The following CRB1 variants were observed in gnomAD, a reference collection of about 807,000 sequenced individuals.
CRB1 encodes the protein crumbs cell polarity complex component 1.
A neutral mutation model predicts 120.0 loss-of-function variants in CRB1; 83 were observed. That is an observed-to-expected ratio of 0.69 (90% confidence interval 0.58 to 0.83). CRB1 has a LOEUF of 0.83. Ranked by LOEUF, CRB1 falls within the 40% of genes least tolerant of loss-of-function variation. CRB1 has a pLI of 0.00. For missense variants in CRB1, 1,699 were observed against 1,687.6 expected (o/e 1.01, Z -0.12); for synonymous variants, 625 against 612.5 (o/e 1.02, Z -0.30).
At chr1:197,372,335 T>C (rs1661413548) in intron 5 of CRB1, among the ~76,000 whole-genome samples, 1 of 152,134 alleles carries the variant, frequency 6.6e-6, no homozygotes, top group African/African-American at 2.4e-5. Context: ...TAGATTGACA[T>C]ACTGATCTTT....
chr1:197,209,107 T>G, the CRB1 span, among the ~76,000 whole-genome samples: 1 of 152,290 alleles, frequency 6.6e-6, no homozygotes, highest in East Asian at 1.9e-4. Flanking sequence ...TATTTCCAGA[T>G]GGCATGTGAG....
At position 197,306,199 on chromosome 1, in the gene CRB1, CAG is replaced by C. The variant is rs570577377; in HGVS notation, c.71-22217_71-22216del. ...CAGCAGCTGCTGAACACTCCAGAAA[CAG>C]AGAGATTCAAATTGCTATATAGCAA... On this transcript the variant is annotated intron_variant, in intron 1 of 11. Transcript: ENST00000367400. Among the ~76,000 whole-genome samples the C allele has an allele frequency of 1.5e-3, 221 of 152,134 alleles. 1 individual carries two copies. Among genetic ancestry groups the C allele is most frequent in the African/African-American group, 5.1e-3 (210 of 41,500 alleles).
intron 11 of CRB1, among the ~76,000 whole-genome samples, chr1:197,449,598 C>T (rs972105454): frequency 6.6e-6 from 1 of 152,122 alleles, no homozygotes; most frequent in Non-Finnish European, 1.5e-5. Flanking sequence ...GATCTCCTGA[C>T]CTCGTGATCC....
the CRB1 span, among the ~76,000 whole-genome samples, chr1:197,227,346 T>A: frequency 6.6e-6 from 1 of 151,952 alleles, no homozygotes; most frequent in Admixed American, 6.5e-5. Context: ...ACAGAGCCCA[T>A]GCAAGTTCGA....
At chr1:197,222,603 G>C in the CRB1 span, 2 of 771,890 alleles carry the variant, frequency 2.6e-6, no homozygotes, top group Non-Finnish European at 4.8e-6. Flanking sequence ...TCCTAGTGAG[G>C]AAAGAGTGTA....
At chr1:197,281,823 A>G (rs1655536951) in intron 1 of CRB1, among the ~76,000 whole-genome samples, 1 of 151,878 alleles carries the variant, frequency 6.6e-6, no homozygotes, top group Non-Finnish European at 1.5e-5. Context: ...ATGCACGGAA[A>G]ATATAGGATG....
intron 2 of CRB1, among the ~76,000 whole-genome samples, chr1:197,331,065 G>A (rs914051998): frequency 4.0e-5 from 6 of 151,724 alleles, no homozygotes; most frequent in African/African-American, 1.5e-4. Flanking sequence ...GCCTGTAGTC[G>A]CAGCTACTCA....
upstream of CRB1, among the ~76,000 whole-genome samples, chr1:197,264,333 T>C (rs766693063): frequency 6.6e-6 from 1 of 152,234 alleles, no homozygotes; most frequent in African/African-American, 2.4e-5. Context: ...TTGAATTCCA[T>C]TGTGTTATAT....
Position 197,478,179 on chromosome 1 carries a change from T to C in CRB1, c.*300T>C, listed in dbSNP as rs1667284470. The stretch of plus-strand genomic sequence containing the variant: ...TGGCTTTAGTGGCTATCACTGAAAC[T>C]CTTTCCTCTTTTCAACCTGGGAACA... On this transcript the variant is annotated 3_prime_UTR_variant, in exon 12 of 12. Transcript: ENST00000367400. 3 of 383,566 alleles carry C rather than the reference T, an allele frequency of 7.8e-6. No individual in the cohort carries two copies. The South Asian group carries it at 8.2e-5, about 10-fold the overall frequency. 23.8% of individuals were successfully genotyped at this position (383,566 alleles called of 1,614,324 possible).
the CRB1 span, among the ~76,000 whole-genome samples, chr1:197,231,448 G>A: frequency 1.3e-5 from 2 of 152,100 alleles, no homozygotes; most frequent in South Asian, 4.1e-4. Context: ...GGGAGAGCTG[G>A]AATCAAAGAG....
At chr1:197,332,233 C>T (rs1658901467) in intron 2 of CRB1, among the ~76,000 whole-genome samples, 1 of 152,086 alleles carries the variant, frequency 6.6e-6, no homozygotes, top group Non-Finnish European at 1.5e-5. Context: ...CATCATAAGG[C>T]ACTTCACCTT....
chr1:197,246,730 T>A, the CRB1 span, among the ~76,000 whole-genome samples: 1 of 152,114 alleles, frequency 6.6e-6, no homozygotes, highest in Non-Finnish European at 1.5e-5. Flanking sequence ...CAAAATTCAG[T>A]GTACATAAGT....
intron 1 of CRB1, among the ~76,000 whole-genome samples, chr1:197,319,860 A>G (rs1177740901): frequency 6.6e-6 from 1 of 152,162 alleles, no homozygotes; most frequent in Non-Finnish European, 1.5e-5. Context: ...AGTGGTTTCT[A>G]TAACAACATG....
chr1:197,466,634 T>C (rs1410076585), intron 11 of CRB1, among the ~76,000 whole-genome samples: 1 of 152,166 alleles, frequency 6.6e-6, no homozygotes, highest in African/African-American at 2.4e-5. Context: ...CAATAGACCT[T>C]CATTACTTTG....
chr1:197,304,787 G>C (rs1657068813), intron 1 of CRB1, among the ~76,000 whole-genome samples: 1 of 152,192 alleles, frequency 6.6e-6, no homozygotes, highest in African/African-American at 2.4e-5. Context: ...AGCTACCTAA[G>C]TGTCAAGAGG....
chr1:197,273,505 G>T (rs916324082), intron 1 of CRB1, among the ~76,000 whole-genome samples: 6 of 152,030 alleles, frequency 3.9e-5, no homozygotes, highest in Admixed American at 2.0e-4. Context: ...AAGAAGTTTG[G>T]AGTTATGATC....
At position 197,453,566 on chromosome 1, in the gene CRB1, A is replaced by G. The variant is rs1571596949; in HGVS notation, c.4005+11274A>G. Among the ~76,000 whole-genome samples the G allele has an allele frequency of 6.0e-5, 7 of 115,768 alleles. No individual in the cohort carries two copies. The South Asian group carries it at 1.6e-3, about 27-fold the overall frequency. 75.9% of individuals were successfully genotyped at this position (115,768 alleles called of 152,430 possible). ...GAGAGAGAGACAGAGAGAGAGAGAG[A>G]GAGGGAGAGGGAGAGAGAGAGAGAG... On this transcript the variant is annotated intron_variant, in intron 11 of 11. Transcript: ENST00000367400.
In CRB1 at chr1:197,409,705, C is replaced by T. The variant is rs531178205; in HGVS notation, c.1172-11295C>T. Among the ~76,000 whole-genome samples, 4 of 152,244 alleles carry T rather than the reference C, an allele frequency of 2.6e-5. No individual in the cohort carries two copies. In the South Asian group the frequency reaches 6.2e-4, roughly 24 times the overall value. ...AGGTAGCAATACATGCTTCATCATT[C>T]ATTAGAATGATTAAATGGCCACATA... On this transcript the variant is annotated intron_variant, in intron 5 of 11. Transcript: ENST00000367400.
chr1:197,419,850 C>T (rs375268866), intron 5 of CRB1, among the ~76,000 whole-genome samples: 2 of 151,496 alleles, frequency 1.3e-5, no homozygotes, highest in African/African-American at 4.8e-5. Context: ...TGGCGGGCGC[C>T]TGTAGTCCAA....
Sources: gnomAD v4.1 joint callset for allele counts (sites outside exome capture counted in the v4.1 genomes callset) on GRCh38, gnomAD v4.1.1 for gene constraint, MANE v1.5 for transcripts, NCBI Gene and HGNC (gene_info 2026-07-23, HGNC 2026-07-21) for gene names.